The following TNKS variants were observed in gnomAD, a reference collection of about 807,000 sequenced individuals.
The protein encoded by TNKS is poly [ADP-ribose] polymerase tankyrase-1.
In TNKS, 72 loss-of-function variants were observed where a neutral mutation model predicts 135.8. The observed-to-expected ratio is 0.53, with a 90% CI of 0.44 to 0.64. The LOEUF (loss-of-function observed/expected upper bound fraction) is 0.64, where lower values mean the gene tolerates loss of function less well. Among genes scored for constraint, TNKS ranks in the 30% least tolerant of loss-of-function variants. The pLI is 0.00. For missense variants in TNKS, 1,769 were observed against 1,674.0 expected (o/e 1.06, Z -0.99); for synonymous variants, 849 against 649.3 (o/e 1.31, Z -4.68).
chr8:9,706,405 C>G (rs754205930), intron 7 of TNKS, 152 bp downstream of exon 7: 1 of 622,544 alleles, frequency 1.6e-6, no homozygotes, highest in Non-Finnish European at 2.6e-6. Context: ...GCCCTGTCAC[C>G]CAGGCTGGAG....
At chr8:9,627,693 C>G (rs1237055213) in intron 3 of TNKS, among the ~76,000 whole-genome samples, 1 of 152,064 alleles carries the variant, frequency 6.6e-6, no homozygotes, top group Non-Finnish European at 1.5e-5. Flanking sequence ...TGTTTTTCCA[C>G]TCACTGTTTG....
At chr8:9,576,185 T>TTA (rs1797936869) in intron 1 of TNKS, among the ~76,000 whole-genome samples, 1 of 152,190 alleles carries the variant, frequency 6.6e-6, no homozygotes, top group South Asian at 2.1e-4. Context: ...CTTAGTATAT[T>TTA]ATTTCCTGCC....
intron 3 of TNKS, among the ~76,000 whole-genome samples, chr8:9,642,339 A>G (rs1297108339): frequency 6.8e-6 from 1 of 146,652 alleles, no homozygotes; most frequent in Non-Finnish European, 1.5e-5. Context: ...TAATTATTGT[A>G]TTCTCTTAAA....
At chr8:9,721,298 T>TTTTATATATATATATA (rs140410610) in intron 12 of TNKS, among the ~76,000 whole-genome samples, 5 of 118,154 alleles carry the variant, frequency 4.2e-5, no homozygotes, top group African/African-American at 1.5e-4. Context: ...AATAAATAAA[T>TTTTATATATATATATA]TATATATATA....
chr8:9,655,023 C>T (rs982842387), intron 3 of TNKS, among the ~76,000 whole-genome samples: 6 of 152,184 alleles, frequency 3.9e-5, no homozygotes, highest in African/African-American at 1.4e-4. Context: ...CAGACGGCAC[C>T]TGGAAAATCG....
intron 3 of TNKS, among the ~76,000 whole-genome samples, chr8:9,669,189 CG>C (rs1352994300): frequency 6.6e-6 from 1 of 151,582 alleles, no homozygotes; most frequent in Non-Finnish European, 1.5e-5. Context: ...GAGGCCGAGG[CG>C]GGTGGATCAT....
chr8:9,628,579 A>T (rs1800158073), intron 3 of TNKS, among the ~76,000 whole-genome samples: 1 of 151,404 alleles, frequency 6.6e-6, no homozygotes, highest in Admixed American at 6.6e-5. Context: ...CTTCTGCTCC[A>T]CATCCAGCTA....
Position 9,627,544 on chromosome 8 carries a change from C to T in TNKS, c.994+11867C>T, listed in dbSNP as rs1349025426. Among the ~76,000 whole-genome samples, 7 of 85,748 alleles carry T rather than the reference C, an allele frequency of 8.2e-5. No homozygotes were observed. The South Asian group carries it at 2.3e-3, about 28-fold the overall frequency. The allele number at this position is 85,748 out of a possible 152,430, so 56.3% of individuals were successfully genotyped here. The stretch of plus-strand genomic sequence containing the variant: ...CCTGCTGTTGCCTGTGGCAAAATTG[C>T]TTGCTTGCTTGCTTGCTTGCTTGCT... On this transcript the variant is annotated intron_variant, in intron 3 of 26. Transcript: ENST00000310430.
At chr8:9,618,837 A>C (rs950920933) in intron 3 of TNKS, among the ~76,000 whole-genome samples, 3 of 152,220 alleles carry the variant, frequency 2.0e-5, no homozygotes, top group Admixed American at 2.0e-4. Context: ...TTCTGTGAGC[A>C]TCCCACTGTC....
At chr8:9,611,327 GATTTTA>G (rs1799454857) in intron 2 of TNKS, among the ~76,000 whole-genome samples, 1 of 152,150 alleles carries the variant, frequency 6.6e-6, no homozygotes, top group African/African-American at 2.4e-5. Context: ...ATGTTACTCA[GATTTTA>G]GTTTCCTTCT....
At position 9,661,470 on chromosome 8, in the gene TNKS, A is replaced by T. The variant is rs561999950; in HGVS notation, c.995-18481A>T. Among the ~76,000 whole-genome samples the T allele has an allele frequency of 7.2e-5, 11 of 152,218 alleles. 1 individual carries two copies. In the South Asian group the frequency reaches 2.3e-3, roughly 32 times the overall value. ...CTGATTTTTGACAAGCCTGACAAAA[A>T]CAAGCAATGGGGAAAGGATTCCCTA... On this transcript the variant is annotated intron_variant, in intron 3 of 26. Transcript: ENST00000310430.
intron 1 of TNKS, among the ~76,000 whole-genome samples, chr8:9,579,092 C>G (rs921838551): frequency 2.0e-5 from 3 of 152,208 alleles, no homozygotes; most frequent in Middle Eastern, 3.4e-3. Flanking sequence ...TTGCCTCATC[C>G]TTAGACTACT....
Position 9,735,056 on chromosome 8 carries a change from C to T in TNKS, c.2505C>T (p.Gly835=). 3 of 1,614,118 alleles carry T rather than the reference C, an allele frequency of 1.9e-6. No individual in the cohort carries two copies. The highest frequency in any genetic ancestry group is 2.5e-6 in the Non-Finnish European group (3 of 1,180,000). ...ATATCAACTGCAGAGACACCCAGGG[C>T]AGAAATTCAACCCCTCTGCACCTGG... The part of the protein sequence containing the change: ...PENINCRDTQ[G]RNSTPLHLAA... Residue 835 remains glycine, a synonymous_variant, in exon 16 of 27, where the codon GGC becomes GGT. Coordinates refer to ENST00000310430, the MANE Select transcript of TNKS (RefSeq NM_003747.3).
chr8:9,611,333 A>G (rs1585228711), intron 2 of TNKS, among the ~76,000 whole-genome samples: 1 of 152,182 alleles, frequency 6.6e-6, no homozygotes, highest in Admixed American at 6.5e-5. Context: ...CTCAGATTTT[A>G]GTTTCCTTCT....
chr8:9,556,720 G>A (rs1002524811), intron 1 of TNKS, 108 bp downstream of exon 1: 2 of 1,325,480 alleles, frequency 1.5e-6, no homozygotes, highest in Admixed American at 2.0e-5. Context: ...GCGTGGTTAT[G>A]GTTCTTCATC....
At chr8:9,578,147 C>G (rs932308730) in intron 1 of TNKS, among the ~76,000 whole-genome samples, 8 of 152,182 alleles carry the variant, frequency 5.3e-5, no homozygotes, top group African/African-American at 1.9e-4. Context: ...GAGTCAGCTC[C>G]CATGGCTGCT....
At chr8:9,559,340 C>G (rs1472757286) in intron 1 of TNKS, among the ~76,000 whole-genome samples, 1 of 151,864 alleles carries the variant, frequency 6.6e-6, no homozygotes, top group East Asian at 1.9e-4. Context: ...AAGGGTGAGC[C>G]CAAGCTAGCC....
intron 15 of TNKS, among the ~76,000 whole-genome samples, chr8:9,733,779 G>T (rs890492722): frequency 6.6e-6 from 1 of 151,758 alleles, no homozygotes; most frequent in Admixed American, 6.6e-5. Context: ...ATCAAGTTGG[G>T]TTTTTTTTCT....
chr8:9,679,836 G>C, intron 3 of TNKS, 115 bp from the exon 4 acceptor site: 1 of 814,848 alleles, frequency 1.2e-6, no homozygotes, highest in Non-Finnish European at 2.0e-6. Flanking sequence ...CACCCAGCGG[G>C]GTGTGGACTC....
Sources: allele counts gnomAD v4.1 joint callset (sites outside exome capture counted in the v4.1 genomes callset), GRCh38; gene constraint gnomAD v4.1.1; transcripts MANE v1.5; gene names NCBI Gene and HGNC (gene_info 2026-07-23, HGNC 2026-07-21).